The following ENKUR variants were observed in gnomAD, a reference collection of about 807,000 sequenced individuals.
ENKUR encodes the protein enkurin, TRPC channel interacting protein, also known as enkurin.
A neutral mutation model predicts 27.6 loss-of-function variants in ENKUR; 19 were observed. That is an observed-to-expected ratio of 0.69 (90% CI 0.48 to 1.01). The LOEUF (loss-of-function observed/expected upper bound fraction) is 1.01. Ranked by LOEUF, ENKUR falls within the 50% of genes least tolerant of loss-of-function variation. The probability of loss-of-function intolerance (pLI) is 0.00; values close to 1 mark genes in which losing one functional copy is unlikely to be tolerated. For synonymous variants in ENKUR, 117 were observed against 96.9 expected, an observed-to-expected ratio of 1.21 and a Z score of -1.22; for missense variants, 312 against 310.5, an observed-to-expected ratio of 1.00 and a Z score of -0.04.
intron 2 of ENKUR, among the ~76,000 whole-genome samples, chr10:25,044,578 G>C (rs569942093): frequency 6.6e-6 from 1 of 151,996 alleles, no homozygotes; most frequent in African/African-American, 2.4e-5. Flanking sequence ...TTCATATTTT[G>C]TAGAGACATA....
chr10:24,984,996 A>C (rs1849750848), intron 4 of ENKUR, 91 bp from the exon 5 acceptor site: 2 of 989,998 alleles, frequency 2.0e-6, no homozygotes, highest in African/African-American at 3.3e-5. Context: ...AAATGTCAAT[A>C]AGTAAAAGAA....
At chr10:25,058,625 C>T (rs1468229843) in intron 2 of ENKUR, among the ~76,000 whole-genome samples, 1 of 152,122 alleles carries the variant, frequency 6.6e-6, no homozygotes, top group Non-Finnish European at 1.5e-5. Context: ...AGACCTATAG[C>T]TGGCCAATTA....
intron 2 of ENKUR, among the ~76,000 whole-genome samples, chr10:25,036,230 A>G (rs1851005760): frequency 6.6e-6 from 1 of 152,094 alleles, no homozygotes; most frequent in Non-Finnish European, 1.5e-5. Context: ...TTTTCTGCAT[A>G]CTGTTCTCAT....
At chr10:25,032,003 T>C (rs929830550) in intron 2 of ENKUR, among the ~76,000 whole-genome samples, 1 of 152,180 alleles carries the variant, frequency 6.6e-6, no homozygotes, top group Non-Finnish European at 1.5e-5. Context: ...AGAAAATTCA[T>C]TTGAAATTTG....
rs529308940 is a variant in ENKUR, at chr10:25,010,615, C to CTG, written c.77+5244_77+5245insCA. Among the ~76,000 whole-genome samples, 692 of 149,506 alleles carry CTG rather than the reference C, an allele frequency of 4.6e-3. 2 individuals are homozygous for CTG. The Middle Eastern group carries it at 0.048, about 10-fold the overall frequency. On this transcript the variant is annotated intron_variant, in intron 1 of 5. Coordinates refer to ENST00000331161, the MANE Select transcript of ENKUR (RefSeq NM_145010.4). ...CCCCCTACCCCCACCCCACAACAGT[C>CTG]CCCAGAGTGTGATGTTCCCCTTCCT...
intron 2 of ENKUR, among the ~76,000 whole-genome samples, chr10:25,047,819 G>C (rs1851137251): frequency 6.6e-6 from 1 of 152,078 alleles, no homozygotes; most frequent in South Asian, 2.1e-4. Flanking sequence ...TTTAACAGAT[G>C]GTCTTGGCAG....
chr10:25,032,186 T>C (rs1850942099), intron 2 of ENKUR, among the ~76,000 whole-genome samples: 1 of 152,166 alleles, frequency 6.6e-6, no homozygotes, highest in Non-Finnish European at 1.5e-5. Context: ...ATTGCTGGAC[T>C]TCACTGTATG....
chr10:25,024,800 C>T (rs946261806), intron 2 of ENKUR: 31 of 1,614,086 alleles, frequency 1.9e-5, no homozygotes, highest in Non-Finnish European at 2.4e-5. Context: ...ATGGGAATCC[C>T]GATTCGAAAA....
intron 1 of ENKUR, among the ~76,000 whole-genome samples, chr10:25,009,575 TAGAG>T (rs1309248061): frequency 6.6e-6 from 1 of 152,192 alleles, no homozygotes; most frequent in African/African-American, 2.4e-5. Context: ...GCTATCAGCC[TAGAG>T]AGAGGTGTCT....
chr10:25,028,661 G>C (rs1167835371), intron 2 of ENKUR, among the ~76,000 whole-genome samples: 7 of 152,264 alleles, frequency 4.6e-5, no homozygotes, highest in African/African-American at 1.7e-4. Flanking sequence ...GCTCTTCACA[G>C]AGTTATCTAC....
intron 2 of ENKUR, among the ~76,000 whole-genome samples, chr10:25,043,934 T>C (rs1359380665): frequency 3.9e-5 from 6 of 152,150 alleles, no homozygotes; most frequent in African/African-American, 9.7e-5. Context: ...TTTGATTCTT[T>C]TTTATACTTC....
At chr10:25,007,412 TTTC>T (rs1288794081) in intron 1 of ENKUR, among the ~76,000 whole-genome samples, 1 of 151,870 alleles carries the variant, frequency 6.6e-6, no homozygotes, top group African/African-American at 2.4e-5. Context: ...TATGTATAGG[TTTC>T]TTATTTATTT....
At chr10:25,023,795 A>T (rs760920661) in intron 2 of ENKUR, 2 of 1,614,186 alleles carry the variant, frequency 1.2e-6, no homozygotes, top group African/African-American at 1.3e-5. Context: ...TTTAGAAGAC[A>T]GTATTATAAG....
Position 25,024,824 on chromosome 10 carries a change from C to T in ENKUR, c.38-28955G>A, listed in dbSNP as rs777569581. ...CCGATTCGAAAATTTATCTGTGCCT[C>T]TAATCAGAACCATGTTTTGACTGAT... On this transcript the variant is annotated intron_variant, in intron 2 of 5. Coordinates refer to the ENKUR transcript ENST00000615958. 13 of 1,614,018 alleles carry T rather than the reference C, an allele frequency of 8.1e-6. No homozygotes were observed. Among genetic ancestry groups the T allele is most frequent in the East Asian group, 4.5e-5 (2 of 44,892 alleles).
At chr10:25,061,225 A>G in exon 2 of ENKUR, 1 of 1,363,054 alleles carries the variant, frequency 7.3e-7, no homozygotes, top group East Asian at 2.5e-5. Flanking sequence ...TTTGAAATCG[A>G]CCCTGGTTTG....
Position 25,011,289 on chromosome 10 carries a change from GTTGT to G in ENKUR, c.77+4567_77+4570del, listed in dbSNP as rs1435312745. Among the ~76,000 whole-genome samples the G allele has an allele frequency of 4.6e-5, 7 of 152,248 alleles. No homozygotes were observed. The East Asian group carries it at 7.7e-4, about 17-fold the overall frequency. ...TGTCCTTTGCCCACTTTTTGATGGG[GTTGT>G]TTGTTTTTTTCTTGTACATTTGTTT... is the stretch of plus-strand genomic sequence containing the variant. On this transcript the variant is annotated intron_variant, in intron 1 of 5. Transcript: ENST00000331161.
At chr10:25,017,268 A>G (rs1850620256), upstream of ENKUR, among the ~76,000 whole-genome samples, 1 of 152,176 alleles carries the variant, frequency 6.6e-6, no homozygotes, top group South Asian at 2.1e-4. Flanking sequence ...TTTTTGTTCC[A>G]CCTGGTCACC....
At chr10:25,006,212 G>A (rs1279418517) in intron 1 of ENKUR, among the ~76,000 whole-genome samples, 1 of 152,126 alleles carries the variant, frequency 6.6e-6, no homozygotes, top group Non-Finnish European at 1.5e-5. Context: ...AACTGCTTTT[G>A]TTTAGTTATG....
intron 2 of ENKUR, among the ~76,000 whole-genome samples, chr10:25,042,469 A>G (rs1274987626): frequency 6.6e-6 from 1 of 151,792 alleles, no homozygotes; most frequent in African/African-American, 2.4e-5. Flanking sequence ...TAAATTTTGT[A>G]TTTTTAGGAG....
Sources: gnomAD v4.1 joint callset for allele counts (sites outside exome capture counted in the v4.1 genomes callset) on GRCh38, gnomAD v4.1.1 for gene constraint, MANE v1.5 for transcripts, NCBI Gene and HGNC (gene_info 2026-07-23, HGNC 2026-07-21) for gene names.